CRADD: variants seen among roughly 807,000 people sequenced by gnomAD.
The protein encoded by CRADD is CARD and death domain containing adaptor protein, also known as death domain-containing protein CRADD.
In CRADD, 9 loss-of-function variants were observed where a neutral mutation model predicts 15.5. The observed-to-expected ratio is 0.58, with a 90% CI of 0.35 to 1.01. The LOEUF (loss-of-function observed/expected upper bound fraction) is 1.01, where lower values mean the gene tolerates loss of function less well. Among genes scored for constraint, CRADD ranks in the 50% least tolerant of loss-of-function variants. The probability of loss-of-function intolerance (pLI) is 0.02; values close to 1 mark genes in which losing one functional copy is unlikely to be tolerated. For missense variants in CRADD, 227 were observed against 250.3 expected, an observed-to-expected ratio of 0.91 and a Z score of 0.63; for synonymous variants, 118 against 107.6, an observed-to-expected ratio of 1.10 and a Z score of -0.60.
At chr12:93,891,634 A>C (rs1958576746) in intron 2 of CRADD, among the ~76,000 whole-genome samples, 1 of 152,242 alleles carries the variant, frequency 6.6e-6, no homozygotes, top group African/African-American at 2.4e-5. Flanking sequence ...AGCTGTTTGC[A>C]GACCACACTA....
Position 93,894,102 on chromosome 12 carries a change from C to A in CRADD, c.351C>A (p.Leu117=), listed in dbSNP as rs757772737. 58 of 702,518 alleles carry A rather than the reference C, an allele frequency of 8.3e-5. No homozygotes were observed. In the East Asian group the frequency reaches 1.4e-3, roughly 17 times the overall value. The allele number at this position is 702,518 out of a possible 1,614,324, so 43.5% of individuals were successfully genotyped here. A position where few individuals can be genotyped will look rare whatever the true frequency, so the allele number is the denominator to read the frequency against. ...CTGTTACTTGCCTGGCTTCACAGCT[C>A]ACCTGGAGATTCTGAACTGGCATCT... Residue 117 remains leucine (L), a synonymous_variant, in exon 3 of 3, where the codon CTC becomes CTA. Transcript: ENST00000548483.
chr12:93,800,709 T>C (rs1957467838), intron 2 of CRADD, among the ~76,000 whole-genome samples: 1 of 152,182 alleles, frequency 6.6e-6, no homozygotes, highest in African/African-American at 2.4e-5. Context: ...CTTCATAACT[T>C]ACCCAGTCTC....
At position 93,705,703 on chromosome 12, in the gene CRADD, G is replaced by C. The variant is rs113331106; in HGVS notation, c.298+26631G>C. ...AGTAATGGCTCCTAGAGCTGGAACA[G>C]ATGGAGCTGTTGATGTTCTCACTTA... On this transcript the variant is annotated intron_variant, in intron 2 of 2. Transcript: ENST00000332896. 9.3e-3 allele frequency among the ~76,000 whole-genome samples: 1,410 copies of C among 152,316 alleles called. 33 individuals carry two copies. The highest frequency in any genetic ancestry group is 0.032 in the African/African-American group (1,344 of 41,564).
chr12:93,769,303 C>T (rs886306515), intron 2 of CRADD, among the ~76,000 whole-genome samples: 6 of 152,022 alleles, frequency 3.9e-5, no homozygotes, highest in African/African-American at 1.2e-4. Context: ...AGGCTAGTTT[C>T]GAACTTCTGG....
chr12:93,788,501 A>T (rs1213696975), intron 2 of CRADD, among the ~76,000 whole-genome samples: 1 of 152,204 alleles, frequency 6.6e-6, no homozygotes, highest in African/African-American at 2.4e-5. Flanking sequence ...GGTGGCTCTC[A>T]GAGCACCTCC....
chr12:93,893,920 T>A (rs1382964366), intron 2 of CRADD: 26 of 590,646 alleles, frequency 4.4e-5, no homozygotes, highest in Non-Finnish European at 7.0e-5. Context: ...AAAAAAAAAA[T>A]AAGCACTAGA....
At position 93,806,537 on chromosome 12, in the gene CRADD, C is replaced by G. The variant is rs141350506; in HGVS notation, c.299-43433C>G. 3.3e-3 allele frequency among the ~76,000 whole-genome samples: 503 copies of G among 150,438 alleles called. 4 individuals carry two copies. Among genetic ancestry groups the G allele is most frequent in the African/African-American group, 0.012 (476 of 40,946 alleles). On this transcript the variant is annotated intron_variant, in intron 2 of 2. Coordinates refer to ENST00000332896, the MANE Select transcript of CRADD (RefSeq NM_003805.5). The stretch of plus-strand genomic sequence containing the variant: ...GTCTTTGTTCTTCTGGTGGCTTGGA[C>G]ATTAACAAAGTGTTCCCTACCCACT...
chr12:93,693,136 A>G (rs1955612876), intron 2 of CRADD, among the ~76,000 whole-genome samples: 1 of 152,196 alleles, frequency 6.6e-6, no homozygotes, highest in Non-Finnish European at 1.5e-5. Context: ...ATCACTAGAG[A>G]AAATTACCTA....
chr12:93,697,354 C>G (rs1284433919), intron 2 of CRADD, among the ~76,000 whole-genome samples: 8 of 152,222 alleles, frequency 5.3e-5, no homozygotes, highest in Non-Finnish European at 2.9e-5. Context: ...ACAGTGTTAA[C>G]CTCTTCTGCC....
At chr12:93,776,810 T>C (rs1245235162) in intron 2 of CRADD, among the ~76,000 whole-genome samples, 2 of 152,198 alleles carry the variant, frequency 1.3e-5, no homozygotes, top group Non-Finnish European at 2.9e-5. Flanking sequence ...TGCATACTTA[T>C]GTGAAATATC....
intron 2 of CRADD, among the ~76,000 whole-genome samples, chr12:93,882,484 A>G (rs1470412297): frequency 6.6e-6 from 1 of 151,554 alleles, no homozygotes; most frequent in Non-Finnish European, 1.5e-5. Context: ...TACACACACT[A>G]TCCCCCCACC....
chr12:93,732,454 C>A (rs1956483350), intron 2 of CRADD, among the ~76,000 whole-genome samples: 1 of 152,114 alleles, frequency 6.6e-6, no homozygotes, highest in African/African-American at 2.4e-5. Context: ...CAGAACAAGG[C>A]AACATCTCAG....
At chr12:93,695,097 C>T (rs1955669443) in intron 2 of CRADD, among the ~76,000 whole-genome samples, 2 of 152,210 alleles carry the variant, frequency 1.3e-5, no homozygotes, top group South Asian at 2.1e-4. Flanking sequence ...GTCAGAACAG[C>T]ATGGTGTTGG....
intron 2 of CRADD, among the ~76,000 whole-genome samples, chr12:93,714,144 T>C (rs892056760): frequency 2.0e-5 from 3 of 152,248 alleles, no homozygotes; most frequent in African/African-American, 7.2e-5. Context: ...AAAGAAAATA[T>C]AGGCTCCTTC....
At chr12:93,773,332 C>G (rs1478084220) in intron 2 of CRADD, among the ~76,000 whole-genome samples, 2 of 152,066 alleles carry the variant, frequency 1.3e-5, no homozygotes, top group South Asian at 4.1e-4. Flanking sequence ...CAGGCCTTTC[C>G]TGTGCTGTTC....
At chr12:93,891,293 AG>A (rs1255880698) in intron 2 of CRADD, among the ~76,000 whole-genome samples, 2 of 151,878 alleles carry the variant, frequency 1.3e-5, no homozygotes, top group African/African-American at 4.8e-5. Context: ...GTTCGAGACC[AG>A]CCTGGCCAAC....
intron 2 of CRADD, among the ~76,000 whole-genome samples, chr12:93,880,374 G>A (rs147183914): frequency 1.3e-5 from 2 of 152,094 alleles, no homozygotes; most frequent in Non-Finnish European, 2.9e-5. Context: ...CCAAAGGAAG[G>A]CTTTGAATAC....
intron 2 of CRADD, among the ~76,000 whole-genome samples, chr12:93,792,144 C>G (rs1957356576): frequency 6.6e-6 from 1 of 152,002 alleles, no homozygotes; most frequent in African/African-American, 2.4e-5. Context: ...GTGGAACATC[C>G]TAGAGAATAA....
intron 2 of CRADD, among the ~76,000 whole-genome samples, chr12:93,872,364 C>T (rs1405928350): frequency 6.6e-6 from 1 of 152,102 alleles, no homozygotes; most frequent in African/African-American, 2.4e-5. Context: ...TGTCTCTTCA[C>T]GTTGTTAGCT....
Sources: allele counts gnomAD v4.1 joint callset (sites outside exome capture counted in the v4.1 genomes callset), GRCh38; gene constraint gnomAD v4.1.1; transcripts MANE v1.5; gene names NCBI Gene and HGNC (gene_info 2026-07-23, HGNC 2026-07-21).